The following RFX8 variants were observed in gnomAD, a reference collection of about 807,000 sequenced individuals.
The protein encoded by RFX8 is regulatory factor X8, also known as DNA-binding protein RFX8.
In RFX8, 46 loss-of-function variants were observed where a neutral mutation model predicts 54.6. The observed-to-expected ratio is 0.84, with a 90% CI of 0.67 to 1.08. The LOEUF is 1.08. Ranked by LOEUF, RFX8 falls within the 50% of genes least tolerant of loss-of-function variation. The pLI, the probability that RFX8 is intolerant of heterozygous loss-of-function variation, is 0.00. For synonymous variants in RFX8, 192 were observed against 209.5 expected (o/e 0.92, Z 0.72); for missense variants, 536 against 562.3 (o/e 0.95, Z 0.47).
At chr2:101,473,365 T>G (rs1690117484) in intron 1 of RFX8, among the ~76,000 whole-genome samples, 1 of 152,236 alleles carries the variant, frequency 6.6e-6, no homozygotes, top group Non-Finnish European at 1.5e-5. Context: ...CCCGGCTGTG[T>G]AACACTGAAA....
intron 4 of RFX8, 51 bp from the exon 5 acceptor site, chr2:101,419,015 G>A: frequency 1.1e-6 from 1 of 918,252 alleles, no homozygotes; most frequent in Non-Finnish European, 1.7e-6. Context: ...CACCTCGCAA[G>A]ACTAACCCCC....
chr2:101,463,100 T>C (rs558589378), intron 2 of RFX8, among the ~76,000 whole-genome samples: 153 of 152,316 alleles, frequency 1.0e-3, no homozygotes, highest in African/African-American at 3.4e-3. Context: ...TTTCAATCCA[T>C]CTAGCCTTGC....
intron 5 of RFX8, 27 bp downstream of exon 5, chr2:101,418,824 A>C: frequency 7.2e-7 from 1 of 1,380,960 alleles, no homozygotes; most frequent in Non-Finnish European, 1.0e-6. Flanking sequence ...CAAAGGATAT[A>C]CTCTAGAGAC....
rs1685185681 is a variant in RFX8 at position 101,397,360 on chromosome 2, T to C, written c.*188A>G. 2.7e-6 allele frequency: 1 copy of C among 369,556 alleles called. No homozygotes were observed. The highest frequency in any genetic ancestry group is 4.7e-6 in the Non-Finnish European group (1 of 211,816). The allele number at this position is 369,556 out of a possible 1,614,324, so 22.9% of individuals were successfully genotyped here. The stretch of plus-strand genomic sequence containing the variant: ...AAAGAAAAGCAACAGAGGCAAAAAT[T>C]ATTCTCCAAATCAGTTTACATATTT... On this transcript the variant is annotated 3_prime_UTR_variant, in exon 12 of 12. Coordinates refer to ENST00000428343, the MANE Select transcript of RFX8 (RefSeq NM_001145664.2).
In RFX8 at chr2:101,467,731, C is replaced by G. The variant is rs960862601; in HGVS notation, c.-52-831G>C. On this transcript the variant is annotated intron_variant, in intron 1 of 11. Coordinates refer to ENST00000428343, the MANE Select transcript of RFX8 (RefSeq NM_001145664.2). ...GAGGTTCACAGACCAGCCCCGGCCC[C>G]TGGGGACAGCCAGGCGCCTATTCCA... Among the ~76,000 whole-genome samples, 3 of 152,068 alleles carry G rather than the reference C, an allele frequency of 2.0e-5. No individual in the cohort carries two copies. In the East Asian group the frequency reaches 5.8e-4, roughly 29 times the overall value.
intron 1 of RFX8, among the ~76,000 whole-genome samples, chr2:101,469,137 A>ATATATATATAAGTATATATATATAC (rs1491510932): frequency 8.5e-6 from 1 of 117,032 alleles, no homozygotes; most frequent in Admixed American, 8.9e-5. Context: ...TATATATATA[A>ATATATATATAAGTATATATATATAC]GTATATATAT....
chr2:101,433,262 A>G lies in RFX8; in HGVS notation c.73-10790T>C, dbSNP rs547105263. Among the ~76,000 whole-genome samples, 100 of 152,256 alleles carry G rather than the reference A, an allele frequency of 6.6e-4. No individual in the cohort carries two copies. The South Asian group carries it at 0.011, about 17-fold the overall frequency. On this transcript the variant is annotated intron_variant, in intron 2 of 11. Transcript: ENST00000428343. ...AAGACCTTTTCCAGCTCTCACTGGA[A>G]CACGGGGACTCAGAGGTCCCCCAGG...
intron 9 of RFX8, among the ~76,000 whole-genome samples, chr2:101,406,812 A>C (rs1453171781): frequency 6.6e-6 from 1 of 152,182 alleles, no homozygotes; most frequent in African/African-American, 2.4e-5. Flanking sequence ...AGAATCCCAT[A>C]ATAATGAAAA....
intron 2 of RFX8, among the ~76,000 whole-genome samples, chr2:101,447,883 T>C (rs1688476275): frequency 6.6e-6 from 1 of 152,376 alleles, no homozygotes; most frequent in South Asian, 2.1e-4. Flanking sequence ...GTGTCTGGCT[T>C]ATTTAACTTA....
intron 2 of RFX8, among the ~76,000 whole-genome samples, chr2:101,431,886 T>C (rs966832082): frequency 1.3e-5 from 2 of 152,054 alleles, no homozygotes; most frequent in Non-Finnish European, 2.9e-5. Flanking sequence ...CTCATCTTTA[T>C]AGGGAAGCCT....
intron 11 of RFX8, among the ~76,000 whole-genome samples, chr2:101,399,295 AAGTG>A (rs1165505453): frequency 4.0e-4 from 61 of 152,320 alleles, no homozygotes; most frequent in African/African-American, 1.4e-3. Flanking sequence ...TGATGAGTGC[AAGTG>A]CTGAATAATG....
intron 4 of RFX8, among the ~76,000 whole-genome samples, chr2:101,420,148 A>T (rs1686779095): frequency 6.6e-6 from 1 of 151,672 alleles, no homozygotes. Context: ...CTGCTCCCCC[A>T]CTGTCTTCTC....
chr2:101,433,985 T>C (rs2104620527), intron 2 of RFX8, among the ~76,000 whole-genome samples: 1 of 152,322 alleles, frequency 6.6e-6, no homozygotes, highest in Admixed American at 6.5e-5. Flanking sequence ...AAAACTAATA[T>C]AATTTTGATT....
rs1281969717 is a variant in RFX8 at position 101,417,722 on chromosome 2, T to C, written c.352-38A>G. 3.3e-6 allele frequency: 5 copies of C among 1,511,368 alleles called. No individual in the cohort carries two copies. The East Asian group carries it at 7.4e-5, about 22-fold the overall frequency. 93.6% of individuals were successfully genotyped at this position (1,511,368 alleles called of 1,614,324 possible). A position where few individuals can be genotyped will look rare whatever the true frequency, so the allele number is the denominator to read the frequency against. The stretch of plus-strand genomic sequence containing the variant: ...TAACAAGACACTATGATTCTGCTGA[T>C]GGTGCAGGTGTGGCTGAAGCTTATG... On this transcript the variant is annotated intron_variant, in intron 5 of 11. Coordinates refer to ENST00000428343, the MANE Select transcript of RFX8 (RefSeq NM_001145664.2).
Position 101,418,948 on chromosome 2 carries a change from GTAAGCAAGTCC to G in RFX8, c.243_253del (p.Glu81AspfsTer19), listed in dbSNP as rs1686696788. On this transcript the variant is annotated frameshift_variant, in exon 5 of 12. Coordinates refer to ENST00000428343, the MANE Select transcript of RFX8 (RefSeq NM_001145664.2). LOFTEE classifies it high-confidence loss of function. Reference sequence around the variant, plus strand: ...TTGCTGCAGAGACTTCCAGAAGGAAGTAAGCAAGTCCTCCACCTGGGGTAAGTAACAGAGCA... The same window carrying G: ...TTGCTGCAGAGACTTCCAGAAGGAAGTCCACCTGGGGTAAGTAACAGAGCA... 1 of 1,548,776 alleles carries G rather than the reference GTAAGCAAGTCC, an allele frequency of 6.5e-7. No individual in the cohort carries two copies. The highest frequency in any genetic ancestry group is 8.7e-7 in the Non-Finnish European group (1 of 1,144,660).
In RFX8 at chr2:101,410,723, C is replaced by A; in HGVS notation, c.719-10G>T. The A allele has an allele frequency of 7.1e-7, 1 of 1,411,538 alleles. No homozygotes were observed. 87.4% of individuals were successfully genotyped at this position (1,411,538 alleles called of 1,614,324 possible). ...ATTAAGTTTCTTAAACCTACAAAGA[C>A]ACAAAATAAACAAACAAAAGATTGC... On this transcript the variant is annotated splice_polypyrimidine_tract_variant and intron_variant, in intron 8 of 11. Coordinates refer to ENST00000428343, the MANE Select transcript of RFX8 (RefSeq NM_001145664.2).
intron 1 of RFX8, among the ~76,000 whole-genome samples, chr2:101,469,375 C>T (rs761867281): frequency 6.6e-6 from 1 of 151,724 alleles, no homozygotes; most frequent in African/African-American, 2.4e-5. Context: ...CTAGTGCTGA[C>T]CTCCTGTTGT....
chr2:101,406,248 G>A lies in RFX8; in HGVS notation c.814-191C>T, dbSNP rs546727967. ...GTCTTTCTCTGTCTTCCATGGAGAC[G>A]GTTCCAGGGCAGAGCCCTTTAAAGT... On this transcript the variant is annotated intron_variant, in intron 9 of 11. Coordinates refer to ENST00000428343, the MANE Select transcript of RFX8 (RefSeq NM_001145664.2). Among the ~76,000 whole-genome samples, 15 of 152,134 alleles carry A rather than the reference G, an allele frequency of 9.9e-5. No homozygotes were observed. The East Asian group carries it at 2.3e-3, about 24-fold the overall frequency.
chr2:101,452,254 G>A, intron 2 of RFX8: 1 of 501,918 alleles, frequency 2.0e-6, no homozygotes, highest in South Asian at 3.3e-5. Flanking sequence ...GAATTAATGC[G>A]AATTGTGGAC....
Sources: allele counts gnomAD v4.1 joint callset (sites outside exome capture counted in the v4.1 genomes callset), GRCh38; gene constraint gnomAD v4.1.1; transcripts MANE v1.5; gene names NCBI Gene and HGNC (gene_info 2026-07-23, HGNC 2026-07-21).